The following FOXP1 variants were observed in gnomAD, a reference collection of about 807,000 sequenced individuals.
FOXP1 encodes the protein forkhead box P1.
Under a neutral mutation model 98.2 loss-of-function variants are expected in FOXP1, and 15 were observed. That is an observed-to-expected ratio of 0.15 (90% confidence interval 0.10 to 0.24). FOXP1 has a LOEUF of 0.24. Ranked by LOEUF, FOXP1 falls within the 10% of genes least tolerant of loss-of-function variation. FOXP1 has a pLI of 1.00. For missense variants in FOXP1, 633 were observed against 848.5 expected (o/e 0.75, Z 3.15); for synonymous variants, 371 against 314.5 (o/e 1.18, Z -1.90).
intron 7 of FOXP1, among the ~76,000 whole-genome samples, chr3:71,059,302 T>C (rs1310243134): frequency 6.6e-6 from 1 of 152,196 alleles, no homozygotes; most frequent in East Asian, 1.9e-4. Context: ...CGAGCTCTTC[T>C]TTTTGTCTTT....
chr3:71,162,455 C>G (rs2061185819), intron 6 of FOXP1, among the ~76,000 whole-genome samples: 1 of 152,190 alleles, frequency 6.6e-6, no homozygotes, highest in Non-Finnish European at 1.5e-5. Context: ...GAAGGGGGAG[C>G]CAGTACCATT....
intron 6 of FOXP1, among the ~76,000 whole-genome samples, chr3:71,191,898 T>A (rs1396451983): frequency 6.6e-6 from 1 of 152,246 alleles, no homozygotes; most frequent in African/African-American, 2.4e-5. Flanking sequence ...TGACCATCAA[T>A]ACTTTTCACG....
At chr3:71,348,631 T>C (rs2077568323) in intron 4 of FOXP1, among the ~76,000 whole-genome samples, 1 of 151,414 alleles carries the variant, frequency 6.6e-6, no homozygotes, top group African/African-American at 2.4e-5. Context: ...TATGCATGTG[T>C]GTATAAGTCA....
intron 6 of FOXP1, among the ~76,000 whole-genome samples, chr3:71,141,560 G>A (rs913743618): frequency 1.3e-5 from 2 of 152,162 alleles, no homozygotes; most frequent in East Asian, 3.9e-4. Flanking sequence ...CCGTTCTACA[G>A]GCACCAGAAC....
At chr3:71,161,697 G>C in intron 6 of FOXP1, among the ~76,000 whole-genome samples, 1 of 152,240 alleles carries the variant, frequency 6.6e-6, no homozygotes, top group East Asian at 1.9e-4. Flanking sequence ...GAAACAGGGA[G>C]CAAGACAATG....
intron 3 of FOXP1, among the ~76,000 whole-genome samples, chr3:71,394,168 C>A (rs2081225949): frequency 6.6e-6 from 1 of 152,176 alleles, no homozygotes; most frequent in Non-Finnish European, 1.5e-5. Flanking sequence ...TCATATGCAC[C>A]AGCCCAACTC....
At chr3:71,424,373 T>C (rs2083929630) in intron 3 of FOXP1, among the ~76,000 whole-genome samples, 1 of 152,180 alleles carries the variant, frequency 6.6e-6, no homozygotes, top group Non-Finnish European at 1.5e-5. Flanking sequence ...GCGCCTTCCC[T>C]ATCTCATTTG....
intron 18 of FOXP1, chr3:70,971,112 C>G (rs2036139129): frequency 1.3e-5 from 5 of 383,708 alleles, no homozygotes; most frequent in Admixed American, 1.1e-4. Context: ...ACTCCAGACT[C>G]CAACAGAAAG....
intron 5 of FOXP1, among the ~76,000 whole-genome samples, chr3:71,286,925 C>CT (rs2072206951): frequency 6.6e-6 from 1 of 152,124 alleles, no homozygotes; most frequent in Non-Finnish European, 1.5e-5. Flanking sequence ...ACTCAAGAGA[C>CT]TGAGTTATCT....
intron 13 of FOXP1, among the ~76,000 whole-genome samples, chr3:70,993,484 C>T (rs889918057): frequency 6.6e-6 from 1 of 152,198 alleles, no homozygotes; most frequent in Admixed American, 6.5e-5. Flanking sequence ...TGCCCTTATT[C>T]GCCATTGGCA....
chr3:71,542,769 T>C (rs2044972550), intron 2 of FOXP1, among the ~76,000 whole-genome samples: 1 of 152,020 alleles, frequency 6.6e-6, no homozygotes, highest in Non-Finnish European at 1.5e-5. Flanking sequence ...ATACTCACAC[T>C]CCTCCCTCCG....
At chr3:71,130,342 C>T (rs2059488533) in intron 6 of FOXP1, among the ~76,000 whole-genome samples, 1 of 151,990 alleles carries the variant, frequency 6.6e-6, no homozygotes, top group Admixed American at 6.6e-5. Context: ...AAGAAAAAAG[C>T]CTCTGATGGA....
At chr3:71,290,943 C>T (rs2072686459) in intron 5 of FOXP1, among the ~76,000 whole-genome samples, 1 of 152,218 alleles carries the variant, frequency 6.6e-6, no homozygotes, top group Non-Finnish European at 1.5e-5. Flanking sequence ...CTTAAGGACA[C>T]TGCTTCGGCC....
intron 3 of FOXP1, among the ~76,000 whole-genome samples, chr3:71,438,726 TTCA>T (rs2085609359): frequency 6.6e-6 from 1 of 151,608 alleles, no homozygotes; most frequent in Non-Finnish European, 1.5e-5. Flanking sequence ...TTAGGGAGGT[TTCA>T]GTCTAATTTG....
intron 4 of FOXP1, among the ~76,000 whole-genome samples, chr3:71,320,539 A>G (rs1193323269): frequency 1.3e-5 from 2 of 151,992 alleles, no homozygotes; most frequent in African/African-American, 2.4e-5. Context: ...AGTCCTCCCT[A>G]ACCTCCCTTT....
chr3:71,460,146 G>A (rs1296772423), intron 3 of FOXP1, among the ~76,000 whole-genome samples: 1 of 151,962 alleles, frequency 6.6e-6, no homozygotes. Flanking sequence ...GTGTTAGCCA[G>A]GATGGTCTCA....
chr3:70,990,160 A>C (rs1366820157), intron 13 of FOXP1, among the ~76,000 whole-genome samples: 3 of 152,228 alleles, frequency 2.0e-5, no homozygotes, highest in African/African-American at 4.8e-5. Flanking sequence ...AGGTTACACA[A>C]AAAGGCAAAA....
At chr3:71,198,494 T>A in intron 5 of FOXP1, 102 bp from the exon 6 acceptor site, 1 of 1,032,060 alleles carries the variant, frequency 9.7e-7, no homozygotes, top group Non-Finnish European at 1.5e-6. Context: ...TTGGTTTAAA[T>A]GTTGCCAAAA....
chr3:71,158,740 A>T (rs1433830909), intron 6 of FOXP1, among the ~76,000 whole-genome samples: 4 of 151,942 alleles, frequency 2.6e-5, no homozygotes, highest in Non-Finnish European at 4.4e-5. Context: ...AAAAAAAAAA[A>T]AAAAAAGGTA....
Sources: allele counts gnomAD v4.1 joint callset (sites outside exome capture counted in the v4.1 genomes callset), GRCh38; gene constraint gnomAD v4.1.1; transcripts MANE v1.5; gene names NCBI Gene and HGNC (gene_info 2026-07-23, HGNC 2026-07-21).